GAB1: variants seen among roughly 807,000 people sequenced by gnomAD.
The protein encoded by GAB1 is GRB2 associated binding protein 1, also known as GRB2-associated-binding protein 1.
Under a neutral mutation model 66.5 loss-of-function variants are expected in GAB1, and 19 were observed. That is an observed-to-expected ratio of 0.29 (90% CI 0.20 to 0.42). GAB1 has a LOEUF of 0.42. Among genes scored for constraint, GAB1 ranks in the 10% least tolerant of loss-of-function variants. GAB1 has a pLI of 1.00. For synonymous variants in GAB1, 294 were observed against 301.4 expected (o/e 0.98, Z 0.25); for missense variants, 732 against 858.5 (o/e 0.85, Z 1.84).
chr4:143,348,586 G>C (rs557257168), intron 1 of GAB1, among the ~76,000 whole-genome samples: 19 of 152,334 alleles, frequency 1.2e-4, no homozygotes, highest in African/African-American at 4.6e-4. Flanking sequence ...TGCAGTTGCT[G>C]CTCTCTGCCT....
At chr4:143,405,492 C>T (rs1420725330) in intron 1 of GAB1, among the ~76,000 whole-genome samples, 2 of 152,022 alleles carry the variant, frequency 1.3e-5, no homozygotes, top group African/African-American at 4.8e-5. Context: ...ATAAGAAAAC[C>T]CACTATTGGT....
At chr4:143,360,283 A>G (rs1390615504) in intron 1 of GAB1, among the ~76,000 whole-genome samples, 1 of 152,176 alleles carries the variant, frequency 6.6e-6, no homozygotes, top group Admixed American at 6.5e-5. Context: ...TTCAGTTTAC[A>G]TTCTCCTGAT....
At chr4:143,465,907 C>T (rs1037758653) in intron 8 of GAB1, 196 bp from the exon 9 acceptor site, 2 of 452,432 alleles carry the variant, frequency 4.4e-6, no homozygotes, top group Admixed American at 3.9e-5. Context: ...TTTGAAACTA[C>T]GTTTAGCTTG....
intron 1 of GAB1, among the ~76,000 whole-genome samples, chr4:143,401,911 A>T (rs1197018627): frequency 6.6e-6 from 1 of 152,218 alleles, no homozygotes; most frequent in Non-Finnish European, 1.5e-5. Flanking sequence ...GTAAATGCCC[A>T]TATAGCTTAC....
chr4:143,438,287 G>A lies in GAB1; in HGVS notation c.882G>A (p.Ser294=), dbSNP rs1386207807. Reference sequence around the variant, plus strand: ...TTTTTAATACCCCATCTGGGACATCGAGTGTAGAGACTCAAATGAGGCATG... The same window carrying A: ...TTTTTAATACCCCATCTGGGACATCAAGTGTAGAGACTCAAATGAGGCATG... ...LYVFNTPSGT[S]SVETQMRHVS... Residue 294 remains serine (S), a synonymous_variant, in exon 4 of 10, where the codon TCG becomes TCA. Coordinates refer to ENST00000262994, the MANE Select transcript of GAB1 (RefSeq NM_002039.4). The A allele has an allele frequency of 3.7e-6, 6 of 1,613,890 alleles. No individual in the cohort carries two copies. The highest frequency in any genetic ancestry group is 2.2e-5 in the East Asian group (1 of 44,878).
At chr4:143,370,637 G>A (rs1730079021) in intron 1 of GAB1, among the ~76,000 whole-genome samples, 1 of 152,078 alleles carries the variant, frequency 6.6e-6, no homozygotes, top group Non-Finnish European at 1.5e-5. Context: ...CCATGTTGGT[G>A]TGCTGCACCC....
chr4:143,337,440 C>T (rs1728698507), intron 1 of GAB1, among the ~76,000 whole-genome samples, 180 bp downstream of exon 1: 1 of 152,276 alleles, frequency 6.6e-6, no homozygotes, highest in African/African-American at 2.4e-5. Flanking sequence ...TCCCTCACGC[C>T]CAGGCATCCA....
intron 1 of GAB1, among the ~76,000 whole-genome samples, chr4:143,351,341 C>T (rs538403765): frequency 6.6e-6 from 1 of 152,290 alleles, no homozygotes; most frequent in African/African-American, 2.4e-5. Flanking sequence ...AGTCCGGCCA[C>T]TCAGCCGCCT....
In GAB1 at chr4:143,386,880, A is replaced by G. The variant is rs922260938; in HGVS notation, c.73-28597A>G. On this transcript the variant is annotated intron_variant, in intron 1 of 9. Coordinates refer to ENST00000262994, the MANE Select transcript of GAB1 (RefSeq NM_002039.4). Reference sequence around the variant, plus strand: ...TACACAACATGTAGTTGCTGCAGAGATCATATGGCCTGCAAAACCTAAAGT... The same window carrying G: ...TACACAACATGTAGTTGCTGCAGAGGTCATATGGCCTGCAAAACCTAAAGT... 2.0e-5 allele frequency among the ~76,000 whole-genome samples: 3 copies of G among 152,276 alleles called. No homozygotes were observed. The South Asian group carries it at 6.2e-4, about 32-fold the overall frequency.
At chr4:143,411,005 G>A (rs1191479286) in intron 1 of GAB1, among the ~76,000 whole-genome samples, 1 of 152,190 alleles carries the variant, frequency 6.6e-6, no homozygotes, top group Non-Finnish European at 1.5e-5. Flanking sequence ...CCCCGAAGAG[G>A]GCTGAGCTAA....
At chr4:143,426,014 G>A in intron 2 of GAB1, 1 of 621,498 alleles carries the variant, frequency 1.6e-6, no homozygotes, top group African/African-American at 1.8e-5. Flanking sequence ...TACAAAAAAA[G>A]AAAAAATTAA....
intron 6 of GAB1, among the ~76,000 whole-genome samples, chr4:143,456,324 G>A (rs1221834416): frequency 6.6e-6 from 1 of 152,088 alleles, no homozygotes; most frequent in African/African-American, 2.4e-5. Context: ...AGGCGTGGTG[G>A]CGGGCACCTG....
intron 1 of GAB1, among the ~76,000 whole-genome samples, chr4:143,398,099 A>G (rs529911840): frequency 1.3e-5 from 2 of 152,326 alleles, no homozygotes; most frequent in Admixed American, 6.5e-5. Flanking sequence ...TGAATACTTC[A>G]TCTACTCTGA....
Position 143,469,620 on chromosome 4 carries a change from A to C in GAB1, c.*431A>C, listed in dbSNP as rs1436448995. On this transcript the variant is annotated 3_prime_UTR_variant, in exon 10 of 10. Coordinates refer to ENST00000262994, the MANE Select transcript of GAB1 (RefSeq NM_002039.4). The stretch of plus-strand genomic sequence containing the variant: ...ATTTGGAAATTGCTGTTTACAGTCT[A>C]ACAACATTAAAATGAGAGGTAGATT... 6.1e-6 allele frequency: 1 copy of C among 164,720 alleles called. No homozygotes were observed. The highest frequency in any genetic ancestry group is 1.4e-5 in the Non-Finnish European group (1 of 74,042). 10.2% of individuals were successfully genotyped at this position (164,720 alleles called of 1,614,324 possible). A position where few individuals can be genotyped will look rare whatever the true frequency, so the allele number is the denominator to read the frequency against.
Position 143,337,245 on chromosome 4 carries a change from A to G in GAB1, c.57A>G (p.Lys19=), listed in dbSNP as rs929024819. 3.2e-6 allele frequency: 5 copies of G among 1,581,914 alleles called. No individual in the cohort carries two copies. In the African/African-American group the frequency reaches 6.7e-5, roughly 21 times the overall value. Reference sequence around the variant, plus strand: ...GGCTCCGCAAGTCCCCCCCGGAGAAAAAGTTGAAGCGTTATGTAAGTAGAG... The same window carrying G: ...GGCTCCGCAAGTCCCCCCCGGAGAAGAAGTTGAAGCGTTATGTAAGTAGAG... ...SGWLRKSPPE[K]KLKRYAWKRR... Residue 19 remains lysine, a synonymous_variant, in exon 1 of 10, where the codon AAA becomes AAG. Coordinates refer to ENST00000262994, the MANE Select transcript of GAB1 (RefSeq NM_002039.4).
intron 6 of GAB1, among the ~76,000 whole-genome samples, chr4:143,441,498 A>G (rs1734227783): frequency 6.6e-6 from 1 of 152,172 alleles, no homozygotes; most frequent in Non-Finnish European, 1.5e-5. Flanking sequence ...GGCTCAGACT[A>G]TCTTAAGAAA....
chr4:143,414,787 T>A (rs113124575), intron 1 of GAB1, among the ~76,000 whole-genome samples: 2 of 152,252 alleles, frequency 1.3e-5, no homozygotes, highest in South Asian at 2.1e-4. Flanking sequence ...GTTGCTTTTT[T>A]AAAAATTGTG....
rs1729643871 is a variant in GAB1, at chr4:143,361,055, ATGGCATCAC to A, written c.72+23798_72+23806del. Among the ~76,000 whole-genome samples, 8 of 152,316 alleles carry A rather than the reference ATGGCATCAC, an allele frequency of 5.3e-5. No homozygotes were observed. In the South Asian group the frequency reaches 1.7e-3, roughly 32 times the overall value. On this transcript the variant is annotated intron_variant, in intron 1 of 9. Coordinates refer to ENST00000262994, the MANE Select transcript of GAB1 (RefSeq NM_002039.4). ...CTACTGACTGAGCCAGCCTAATGGA[ATGGCATCAC>A]TGTTTCTGTTGGCATAGTTAAGCAG...
chr4:143,438,872 C>G (rs1048851598), intron 4 of GAB1, among the ~76,000 whole-genome samples: 2 of 152,044 alleles, frequency 1.3e-5, no homozygotes, highest in African/African-American at 2.4e-5. Flanking sequence ...TTTCTATAAT[C>G]CTGGGTGGAT....
Sources: allele counts gnomAD v4.1 joint callset (sites outside exome capture counted in the v4.1 genomes callset), GRCh38; gene constraint gnomAD v4.1.1; transcripts MANE v1.5; gene names NCBI Gene and HGNC (gene_info 2026-07-23, HGNC 2026-07-21).